The following UTRN variants were observed in gnomAD, a reference collection of about 807,000 sequenced individuals.
UTRN encodes the protein utrophin.
A neutral mutation model predicts 463.9 loss-of-function variants in UTRN; 283 were observed. The ratio of observed to expected loss-of-function variants is 0.61; its 90% CI spans 0.55 to 0.67. The LOEUF is 0.67. Among genes scored for constraint, UTRN ranks in the 30% least tolerant of loss-of-function variants. The pLI is 0.00. For synonymous variants in UTRN, 1,442 were observed against 1,431.5 expected, an observed-to-expected ratio of 1.01 and a Z score of -0.17; for missense variants, 3,922 against 4,084.3, an observed-to-expected ratio of 0.96 and a Z score of 1.08.
chr6:144,767,721 T>C (rs1449915922), intron 58 of UTRN, among the ~76,000 whole-genome samples: 1 of 152,202 alleles, frequency 6.6e-6, no homozygotes, highest in Non-Finnish European at 1.5e-5. Flanking sequence ...CCTGACCTAG[T>C]ATATTTTACT....
chr6:144,518,123 C>T (rs1375522854), intron 39 of UTRN, among the ~76,000 whole-genome samples: 1 of 152,170 alleles, frequency 6.6e-6, no homozygotes, highest in Non-Finnish European at 1.5e-5. Flanking sequence ...TATTTTACTT[C>T]ACTATCCTTT....
chr6:144,343,838 CTTTA>C (rs1301875244), intron 2 of UTRN, among the ~76,000 whole-genome samples: 2 of 152,094 alleles, frequency 1.3e-5, no homozygotes, highest in African/African-American at 4.8e-5. Flanking sequence ...CTTCTAACAT[CTTTA>C]TTTATCTACG....
intron 2 of UTRN, among the ~76,000 whole-genome samples, chr6:144,292,765 A>T (rs1209526776): frequency 6.6e-6 from 1 of 152,196 alleles, no homozygotes; most frequent in Non-Finnish European, 1.5e-5. Context: ...GAGGTATAAA[A>T]TTACATCCAG....
chr6:144,639,739 C>T (rs1777572279), intron 51 of UTRN, among the ~76,000 whole-genome samples: 1 of 151,490 alleles, frequency 6.6e-6, no homozygotes, highest in Non-Finnish European at 1.5e-5. Flanking sequence ...AATCATGAAG[C>T]TGTATAAACA....
chr6:144,718,447 G>A (rs1018420384), intron 53 of UTRN, among the ~76,000 whole-genome samples: 1 of 152,218 alleles, frequency 6.6e-6, no homozygotes, highest in East Asian at 1.9e-4. Context: ...GGGCAACAGA[G>A]TGAGACCCTG....
intron 36 of UTRN, 95 bp downstream of exon 36, chr6:144,514,132 T>C: frequency 6.7e-7 from 1 of 1,497,350 alleles, no homozygotes. Context: ...TAGCTCTCAT[T>C]CCTCCCAAGC....
At chr6:144,321,229 C>CAA (rs1775616878) in intron 2 of UTRN, among the ~76,000 whole-genome samples, 1 of 149,326 alleles carries the variant, frequency 6.7e-6, no homozygotes, top group Non-Finnish European at 1.5e-5. Flanking sequence ...CACACACACA[C>CAA]AACCATATAC....
chr6:144,436,208 C>T, intron 10 of UTRN, 70 bp downstream of exon 10: 2 of 1,434,108 alleles, frequency 1.4e-6, no homozygotes, highest in South Asian at 2.6e-5. Context: ...GGACTCTACT[C>T]TCCTATTTGT....
chr6:144,391,453 A>G (rs1023156912), intron 2 of UTRN, among the ~76,000 whole-genome samples: 2 of 152,196 alleles, frequency 1.3e-5, no homozygotes, highest in Non-Finnish European at 2.9e-5. Flanking sequence ...ATTATAAATT[A>G]TGGCTTTTTT....
chr6:144,459,411 T>C, intron 21 of UTRN, 57 bp downstream of exon 21: 3 of 1,510,424 alleles, frequency 2.0e-6, no homozygotes, highest in Non-Finnish European at 2.7e-6. Context: ...TAAACATGAC[T>C]CCCAACATTT....
intron 66 of UTRN, among the ~76,000 whole-genome samples, chr6:144,824,363 G>T (rs543671430): frequency 6.8e-6 from 1 of 146,954 alleles, no homozygotes; most frequent in East Asian, 2.0e-4. Flanking sequence ...GCACTAAAAG[G>T]GTCATTAAGT....
At chr6:144,825,771 C>T (rs1780120975) in intron 66 of UTRN, among the ~76,000 whole-genome samples, 1 of 152,130 alleles carries the variant, frequency 6.6e-6, no homozygotes, top group Non-Finnish European at 1.5e-5. Context: ...TATAGCATAT[C>T]ATTCACCTGA....
intron 54 of UTRN, among the ~76,000 whole-genome samples, chr6:144,745,608 A>G (rs1317520583): frequency 1.3e-5 from 2 of 152,216 alleles, no homozygotes; most frequent in African/African-American, 4.8e-5. Flanking sequence ...ATACTGCACA[A>G]GGACTGCTCA....
At chr6:144,508,772 G>A (rs554482152) in intron 34 of UTRN, among the ~76,000 whole-genome samples, 11 of 151,972 alleles carry the variant, frequency 7.2e-5, no homozygotes, top group African/African-American at 1.2e-4. Context: ...GGTGTATTTC[G>A]TGAGGTAAGG....
At chr6:144,521,475 A>T (rs1228434805) in intron 39 of UTRN, among the ~76,000 whole-genome samples, 1 of 152,156 alleles carries the variant, frequency 6.6e-6, no homozygotes, top group South Asian at 2.1e-4. Flanking sequence ...TACATACTGA[A>T]TTACCTGGAT....
Position 144,555,409 on chromosome 6 carries a change from G to T in UTRN, c.7134+516G>T, listed in dbSNP as rs143320144. Among the ~76,000 whole-genome samples the T allele has an allele frequency of 5.3e-3, 813 of 152,274 alleles. 5 individuals are homozygous for T. The highest frequency in any genetic ancestry group is 0.014 in the Middle Eastern group (4 of 294). Reference sequence around the variant, plus strand: ...TCTTTACAAGGCAGCAAGACAGAGAGAGATAGAAGGGAGAAGTGCCACACA... The same window carrying T: ...TCTTTACAAGGCAGCAAGACAGAGATAGATAGAAGGGAGAAGTGCCACACA... On this transcript the variant is annotated intron_variant, in intron 49 of 74. Coordinates refer to ENST00000367545, the MANE Select transcript of UTRN (RefSeq NM_007124.3).
chr6:144,357,811 TG>T (rs771753360), intron 2 of UTRN, among the ~76,000 whole-genome samples: 9 of 152,290 alleles, frequency 5.9e-5, no homozygotes, highest in Non-Finnish European at 1.3e-4. Flanking sequence ...AAGATGCTGC[TG>T]GTAAAATTAT....
intron 50 of UTRN, among the ~76,000 whole-genome samples, chr6:144,574,494 G>T (rs1225208280): frequency 6.6e-6 from 1 of 152,044 alleles, no homozygotes; most frequent in African/African-American, 2.4e-5. Flanking sequence ...TTGGTATTTG[G>T]GTTGTATTCA....
In UTRN at chr6:144,523,092, A is replaced by G; in HGVS notation, c.5810A>G (p.Glu1937Gly). The G allele has an allele frequency of 6.2e-7, 1 of 1,613,560 alleles. No individual in the cohort carries two copies. The highest frequency in any genetic ancestry group is 1.1e-5 in the South Asian group (1 of 90,970). The stretch of plus-strand genomic sequence containing the variant: ...GAAAAACAGCCAGATGTCATCCTTG[A>G]AGCCTCTGGACCTGAAGCCATTCAG... ...IHEKQPDVIL[E>G]ASGPEAIQIR... is the part of the protein sequence containing the mutation. Residue 1937 changes from glutamate (E) to glycine (G), a missense_variant, in exon 41 of 75, where the codon GAA becomes GGA. Physicochemically the swap from Glu to Gly is moderately conservative, Grantham distance 98. Transcript: ENST00000367545.
Sources: allele counts gnomAD v4.1 joint callset (sites outside exome capture counted in the v4.1 genomes callset), GRCh38; gene constraint gnomAD v4.1.1; transcripts MANE v1.5; gene names NCBI Gene and HGNC (gene_info 2026-07-23, HGNC 2026-07-21).